The following EFHB variants were observed in gnomAD, a reference collection of about 807,000 sequenced individuals.
The protein encoded by EFHB is EF-hand domain-containing family member B.
EFHB carries 91 observed loss-of-function variants against 87.2 expected under a neutral mutation model. That is an observed-to-expected ratio of 1.04 (90% CI 0.88 to 1.24). The LOEUF is 1.24. EFHB is among the 50% of genes most tolerant of loss of function. The probability of loss-of-function intolerance (pLI) is 0.00; values close to 1 mark genes in which losing one functional copy is unlikely to be tolerated. For synonymous variants in EFHB, 325 were observed against 333.6 expected (o/e 0.97, Z 0.28); for missense variants, 1,084 against 998.8 (o/e 1.09, Z -1.15).
intron 1 of EFHB, chr3:19,941,508 TG>T (rs1178852524): frequency 1.3e-5 from 2 of 157,666 alleles, no homozygotes; most frequent in African/African-American, 4.8e-5. Context: ...TGTCTCCTGC[TG>T]TAGATTTCAC....
At position 19,920,464 on chromosome 3, in the gene EFHB, A is replaced by G. The variant is rs773804678; in HGVS notation, c.852+41T>C. On this transcript the variant is annotated intron_variant, in intron 2 of 12. Transcript: ENST00000295824. ...GCCTATTCCTTAATGTTCACATAGA[A>G]GGTAAAAATAGAAATATAAAGGTAT... 2.0e-5 allele frequency: 31 copies of G among 1,514,648 alleles called. 1 individual carries two copies. The South Asian group carries it at 3.5e-4, about 17-fold the overall frequency. 93.8% of individuals were successfully genotyped at this position (1,514,648 alleles called of 1,614,324 possible). A position where few individuals can be genotyped will look rare whatever the true frequency, so the allele number is the denominator to read the frequency against.
upstream of EFHB, chr3:19,934,251 C>T (rs1208869528): frequency 7.0e-7 from 1 of 1,420,370 alleles, no homozygotes; most frequent in Admixed American, 2.9e-5. Context: ...AGGGGCGGGG[C>T]TTGGCGCTCA....
At chr3:19,917,397 A>G (rs1307155870) in intron 4 of EFHB, among the ~76,000 whole-genome samples, 1 of 152,174 alleles carries the variant, frequency 6.6e-6, no homozygotes, top group Non-Finnish European at 1.5e-5. Context: ...CTATCTTCAG[A>G]GTAGATGTCA....
chr3:19,933,497 C>G lies in EFHB; in HGVS notation c.522G>C (p.Glu174Asp). 1 of 1,613,990 alleles carries G rather than the reference C, an allele frequency of 6.2e-7. No individual in the cohort carries two copies. Among genetic ancestry groups the G allele is most frequent in the Non-Finnish European group, 8.5e-7 (1 of 1,179,876 alleles). The stretch of plus-strand genomic sequence containing the variant: ...TGGGTTTCATTAAAACACAGGTAGA[C>G]TCTTTTTCCATTTCCTGTCTTGGTT... Reference protein sequence around the residue: ...VMEPRQEMEKESTCVLMKPNT... With the variant: ...VMEPRQEMEKDSTCVLMKPNT... The change falls in exon 1 of 13, where the codon GAG becomes GAC. Residue 174 changes from glutamate (E) to aspartate (D), a missense_variant. By Grantham distance (45) the Glu-to-Asp change is conservative (BLOSUM62 2). Coordinates refer to ENST00000295824, the MANE Select transcript of EFHB (RefSeq NM_144715.4).
chr3:19,936,916 A>T (rs1356218881), upstream of EFHB, among the ~76,000 whole-genome samples: 3 of 137,452 alleles, frequency 2.2e-5, no homozygotes, highest in Non-Finnish European at 3.2e-5. Flanking sequence ...AATAAATAAA[A>T]AGTGAGAAGG....
At chr3:19,897,104 C>T (rs372003944) in intron 8 of EFHB, among the ~76,000 whole-genome samples, 67 of 152,282 alleles carry the variant, frequency 4.4e-4, no homozygotes, top group African/African-American at 1.5e-3. Flanking sequence ...CATCACCAAC[C>T]GCACTCAACT....
chr3:19,918,508 G>A (rs1319805830), intron 3 of EFHB, 96 bp from the exon 4 acceptor site: 12 of 1,139,166 alleles, frequency 1.1e-5, no homozygotes, highest in Middle Eastern at 3.0e-4. Flanking sequence ...GAGACTGTAC[G>A]ATTGTGGGAA....
intron 5 of EFHB, among the ~76,000 whole-genome samples, chr3:19,909,897 A>G (rs1455622375): frequency 1.3e-5 from 2 of 152,034 alleles, no homozygotes; most frequent in African/African-American, 4.8e-5. Context: ...GGCAGCATTC[A>G]TCACCTGCTA....
At chr3:19,884,844 C>T (rs1694037168) in intron 10 of EFHB, among the ~76,000 whole-genome samples, 1 of 151,120 alleles carries the variant, frequency 6.6e-6, no homozygotes, top group Non-Finnish European at 1.5e-5. Flanking sequence ...ACTCCACTCA[C>T]TTTATTCTAG....
At chr3:19,880,753 A>G (rs1004650339) in intron 12 of EFHB, among the ~76,000 whole-genome samples, 3 of 152,214 alleles carry the variant, frequency 2.0e-5, no homozygotes, top group South Asian at 4.1e-4. Flanking sequence ...GAAGGCGGGG[A>G]AAAACATGCT....
intron 6 of EFHB, among the ~76,000 whole-genome samples, chr3:19,903,735 A>G (rs1273081077): frequency 6.6e-6 from 1 of 152,110 alleles, no homozygotes; most frequent in African/African-American, 2.4e-5. Flanking sequence ...AAAGGAGTGA[A>G]AGAGGAATGG....
At chr3:19,934,796 T>TA (rs1418688136), upstream of EFHB, among the ~76,000 whole-genome samples, 2 of 152,186 alleles carry the variant, frequency 1.3e-5, no homozygotes, top group Non-Finnish European at 2.9e-5. Context: ...ATTTTAGTGC[T>TA]AAAAAATGAC....
At chr3:19,921,885 C>A (rs1237387555) in intron 1 of EFHB, among the ~76,000 whole-genome samples, 1 of 151,984 alleles carries the variant, frequency 6.6e-6, no homozygotes, top group African/African-American at 2.4e-5. Context: ...ACGAAGGCTG[C>A]CAGGCAAGGT....
chr3:19,929,604 G>A (rs1199683618), intron 1 of EFHB, among the ~76,000 whole-genome samples: 1 of 151,022 alleles, frequency 6.6e-6, no homozygotes, highest in African/African-American at 2.4e-5. Context: ...AGCCACTCAG[G>A]AGGCTGAGGC....
upstream of EFHB, among the ~76,000 whole-genome samples, chr3:19,937,802 CCTAA>C (rs529127678): frequency 1.1e-4 from 16 of 152,222 alleles, no homozygotes; most frequent in Admixed American, 4.6e-4. Flanking sequence ...TGGTATTTTA[CCTAA>C]CTTTCTGCCC....
At chr3:19,914,665 T>G (rs1416339572) in intron 5 of EFHB, among the ~76,000 whole-genome samples, 3 of 152,272 alleles carry the variant, frequency 2.0e-5, no homozygotes, top group Admixed American at 6.5e-5. Flanking sequence ...GAATATATAA[T>G]GATCAAATAA....
chr3:19,918,375 A>C lies in EFHB; in HGVS notation c.1034T>G (p.Phe345Cys). 6.2e-7 allele frequency: 1 copy of C among 1,611,252 alleles called. No individual in the cohort carries two copies. Among genetic ancestry groups the C allele is most frequent in the Non-Finnish European group, 8.5e-7 (1 of 1,179,206 alleles). ...TTTTTTATCTTTAATTTTCTGTTGA[A>C]ATGTGGTAATAGGCTGTGGGTTTAT... ...TLINPQPITT[F>C]QQKIKDKKES... The change falls in exon 4 of 13, where the codon TTT becomes TGT. Residue 345 changes from phenylalanine to cysteine, a missense_variant. By Grantham distance (205) the Phe-to-Cys change is radical (BLOSUM62 -2). Transcript: ENST00000295824.
At chr3:19,932,485 GC>G (rs1398709007) in intron 1 of EFHB, among the ~76,000 whole-genome samples, 1 of 152,156 alleles carries the variant, frequency 6.6e-6, no homozygotes, top group African/African-American at 2.4e-5. Context: ...AACATAGGAA[GC>G]TTTGGTTGTG....
chr3:19,911,039 A>G (rs1695045909), intron 5 of EFHB, among the ~76,000 whole-genome samples: 1 of 152,216 alleles, frequency 6.6e-6, no homozygotes, highest in African/African-American at 2.4e-5. Context: ...AATGCCAGAC[A>G]CCAAGGAACA....
Sources: allele counts gnomAD v4.1 joint callset (sites outside exome capture counted in the v4.1 genomes callset), GRCh38; gene constraint gnomAD v4.1.1; transcripts MANE v1.5; gene names NCBI Gene and HGNC (gene_info 2026-07-23, HGNC 2026-07-21).